Variants in NRXN3 observed in about 807,000 individuals in gnomAD.
NRXN3 encodes neurexin 3, also known as neurexin III.
NRXN3 carries 32 observed loss-of-function variants against 137.6 expected under a neutral mutation model. The observed-to-expected ratio is 0.23, with a 90% CI of 0.18 to 0.31. The LOEUF is 0.31. Ranked by LOEUF, NRXN3 falls within the 10% of genes least tolerant of loss-of-function variation. NRXN3 has a pLI of 1.00. For missense variants in NRXN3, 1,574 were observed against 2,062.5 expected (o/e 0.76, Z 4.59); for synonymous variants, 798 against 784.5 (o/e 1.02, Z -0.29).
chr14:78,379,510 CAT>C (rs1273668513), intron 4 of NRXN3, among the ~76,000 whole-genome samples: 3 of 152,156 alleles, frequency 2.0e-5, no homozygotes, highest in African/African-American at 4.8e-5. Context: ...AAAGAAAAAT[CAT>C]GTGATTATAT....
At chr14:78,568,462 T>C (rs1352595514) in intron 4 of NRXN3, among the ~76,000 whole-genome samples, 1 of 152,230 alleles carries the variant, frequency 6.6e-6, no homozygotes, top group Non-Finnish European at 1.5e-5. Context: ...ACCCAGTTTA[T>C]GGCATTTTGT....
intron 15 of NRXN3, among the ~76,000 whole-genome samples, chr14:79,115,362 C>A (rs796490938): frequency 2.8e-3 from 422 of 148,370 alleles, no homozygotes; most frequent in Middle Eastern, 7.1e-3. Context: ...CCAAACTAAA[C>A]ATATCCTTCC....
At chr14:79,217,355 A>G (rs1220622063) in intron 15 of NRXN3, among the ~76,000 whole-genome samples, 2 of 152,106 alleles carry the variant, frequency 1.3e-5, no homozygotes, top group Admixed American at 6.5e-5. Context: ...ACCAGATCTC[A>G]TGAATTTGCA....
intron 4 of NRXN3, among the ~76,000 whole-genome samples, chr14:78,550,369 C>G (rs2096675840): frequency 6.6e-6 from 1 of 152,120 alleles, no homozygotes. Flanking sequence ...CTTTCTTTCT[C>G]TTGGTTTCTC....
chr14:78,926,878 TAA>T (rs2099302129), intron 10 of NRXN3, among the ~76,000 whole-genome samples: 1 of 24,380 alleles, frequency 4.1e-5, no homozygotes, highest in Non-Finnish European at 5.7e-5. Flanking sequence ...ATATAATATA[TAA>T]TATATTTATA....
chr14:78,446,116 G>A (rs1208652430), intron 4 of NRXN3, among the ~76,000 whole-genome samples: 1 of 152,218 alleles, frequency 6.6e-6, no homozygotes, highest in Non-Finnish European at 1.5e-5. Flanking sequence ...CAGCCATCAT[G>A]TCCACAGTCT....
intron 15 of NRXN3, among the ~76,000 whole-genome samples, chr14:79,392,733 A>G (rs1339705717): frequency 1.3e-5 from 2 of 152,118 alleles, no homozygotes; most frequent in Non-Finnish European, 2.9e-5. Context: ...GCATTTTGGG[A>G]GGCCGAGGCA....
At chr14:79,635,885 G>A (rs148478226) in intron 16 of NRXN3, among the ~76,000 whole-genome samples, 2 of 152,162 alleles carry the variant, frequency 1.3e-5, no homozygotes, top group South Asian at 2.1e-4. Flanking sequence ...CAGACCAAAG[G>A]GGGGAAATGG....
At chr14:78,992,534 C>A (rs573544729) in intron 15 of NRXN3, among the ~76,000 whole-genome samples, 1 of 152,294 alleles carries the variant, frequency 6.6e-6, no homozygotes, top group Non-Finnish European at 1.5e-5. Flanking sequence ...CAGCACCAGG[C>A]AAATCCAGAA....
Position 79,241,964 on chromosome 14 carries a change from G to A in NRXN3, c.3263-225257G>A, listed in dbSNP as rs564625886. On this transcript the variant is annotated intron_variant, in intron 15 of 20. Transcript: ENST00000335750. ...TGACTATAATCCCAGCTATTCGGGA[G>A]GCTGAGGCAGGAGAATCACTTGAAC... Among the ~76,000 whole-genome samples the A allele has an allele frequency of 6.0e-4, 92 of 152,148 alleles. 1 individual carries two copies. The South Asian group carries it at 0.016, about 27-fold the overall frequency.
chr14:79,751,906 A>C (rs1290057454), intron 19 of NRXN3, among the ~76,000 whole-genome samples: 1 of 152,102 alleles, frequency 6.6e-6, no homozygotes, highest in African/African-American at 2.4e-5. Flanking sequence ...CCAGCCTTGC[A>C]TCCCAGGGAT....
chr14:78,799,208 G>A (rs2098831529), intron 8 of NRXN3, among the ~76,000 whole-genome samples: 1 of 152,140 alleles, frequency 6.6e-6, no homozygotes, highest in African/African-American at 2.4e-5. Context: ...AAAACTGAAT[G>A]CTTTTAATGA....
intron 15 of NRXN3, among the ~76,000 whole-genome samples, chr14:79,306,698 G>A (rs1241224542): frequency 6.6e-6 from 1 of 151,984 alleles, no homozygotes; most frequent in African/African-American, 2.4e-5. Flanking sequence ...ACTCAGCCCT[G>A]ACACCTAGTT....
At chr14:78,275,506 T>C (rs756237762) in intron 2 of NRXN3, among the ~76,000 whole-genome samples, 1 of 152,196 alleles carries the variant, frequency 6.6e-6, no homozygotes, top group Non-Finnish European at 1.5e-5. Context: ...TAAGAAAAGC[T>C]GTTTTCTTCT....
chr14:78,545,092 T>C (rs1204015057), intron 4 of NRXN3, among the ~76,000 whole-genome samples: 5 of 152,214 alleles, frequency 3.3e-5, no homozygotes, highest in African/African-American at 1.2e-4. Flanking sequence ...ATAGATGTAA[T>C]TTAACCTTGG....
chr14:78,878,708 C>T (rs2099119856), intron 10 of NRXN3, among the ~76,000 whole-genome samples: 1 of 152,004 alleles, frequency 6.6e-6, no homozygotes, highest in African/African-American at 2.4e-5. Context: ...GTTGTGAGAA[C>T]AATTAAACTC....
chr14:78,224,750 CTTTTTTTTT>C lies in NRXN3; in HGVS notation c.-703-17622_-703-17614del, dbSNP rs35800837. Among the ~76,000 whole-genome samples the C allele has an allele frequency of 1.7e-3, 108 of 64,838 alleles. 2 individuals carry two copies. The highest frequency in any genetic ancestry group is 6.0e-3 in the African/African-American group (99 of 16,480). The allele number at this position is 64,838 out of a possible 152,430, so 42.5% of individuals were successfully genotyped here. On this transcript the variant is annotated intron_variant, in intron 1 of 20. Coordinates refer to ENST00000335750, the MANE Select transcript of NRXN3 (RefSeq NM_001330195.2). ...ACAATAAACATACGTGTGCATGTGTCTTTTTTTTTTTTTTTTTTTTTTTTTTTGAGACGG... is the reference window on the plus strand; with the variant it reads ...ACAATAAACATACGTGTGCATGTGTCTTTTTTTTTTTTTTTTTTGAGACGG...
At chr14:78,221,188 G>A (rs894234330) in intron 1 of NRXN3, among the ~76,000 whole-genome samples, 1 of 152,274 alleles carries the variant, frequency 6.6e-6, no homozygotes, top group Non-Finnish European at 1.5e-5. Flanking sequence ...GGTAAGAAGT[G>A]AAGAGAATGG....
At chr14:79,846,189 G>T (rs1568437490) in intron 20 of NRXN3, among the ~76,000 whole-genome samples, 1 of 152,176 alleles carries the variant, frequency 6.6e-6, no homozygotes, top group African/African-American at 2.4e-5. Flanking sequence ...AGAGTTCCTG[G>T]ATGCCGAGTT....
Sources: allele counts gnomAD v4.1 joint callset (sites outside exome capture counted in the v4.1 genomes callset), GRCh38; gene constraint gnomAD v4.1.1; transcripts MANE v1.5; gene names NCBI Gene and HGNC (gene_info 2026-07-23, HGNC 2026-07-21).